KIFAP3: variants seen among roughly 807,000 people sequenced by gnomAD.
KIFAP3 encodes the protein kinesin associated protein 3.
KIFAP3 carries 68 observed loss-of-function variants against 106.5 expected under a neutral mutation model. The observed-to-expected ratio is 0.64, with a 90% confidence interval of 0.53 to 0.78. The LOEUF is 0.78. Ranked by LOEUF, KIFAP3 falls within the 30% of genes least tolerant of loss-of-function variation. KIFAP3 has a pLI of 0.00. For missense variants in KIFAP3, 780 were observed against 941.8 expected, an observed-to-expected ratio of 0.83 and a Z score of 2.25; for synonymous variants, 320 against 311.5, an observed-to-expected ratio of 1.03 and a Z score of -0.29.
At chr1:169,994,103 A>C (rs750605604) in intron 10 of KIFAP3, among the ~76,000 whole-genome samples, 4 of 152,058 alleles carry the variant, frequency 2.6e-5, no homozygotes, top group African/African-American at 9.6e-5. Flanking sequence ...CTATATATCA[A>C]GAGCCATGCT....
chr1:170,042,044 A>G lies in KIFAP3; in HGVS notation c.320-2756T>C, dbSNP rs969250845. 7.6e-5 allele frequency: 13 copies of G among 171,232 alleles called. 1 individual carries two copies. Among genetic ancestry groups the G allele is most frequent in the South Asian group, 3.8e-4 (2 of 5,220 alleles). The allele number at this position is 171,232 out of a possible 1,614,324, so 10.6% of individuals were successfully genotyped here. A position where few individuals can be genotyped will look rare whatever the true frequency, so the allele number is the denominator to read the frequency against. On this transcript the variant is annotated intron_variant, in intron 3 of 19. Coordinates refer to ENST00000361580, the MANE Select transcript of KIFAP3 (RefSeq NM_014970.4). ...AGAAGGAAACATTAGCAGAAGTTCA[A>G]TGTGCCTAACGGGTGGAAAGGGGGG...
intron 3 of KIFAP3, among the ~76,000 whole-genome samples, chr1:170,041,065 C>T (rs1413340727): frequency 2.6e-5 from 4 of 152,118 alleles, no homozygotes; most frequent in African/African-American, 4.8e-5. Context: ...CCTCGTGATC[C>T]GCCCGCCTCG....
At position 169,990,131 on chromosome 1, in the gene KIFAP3, T is replaced by C. The variant is rs1667023950; in HGVS notation, c.1284+2024A>G. On this transcript the variant is annotated intron_variant, in intron 11 of 19. Coordinates refer to ENST00000361580, the MANE Select transcript of KIFAP3 (RefSeq NM_014970.4). ...GAGCGATTTACTCTTCTCCAATCAG[T>C]GCATATTTACAAGAAGCACAGAGTT... is the stretch of plus-strand genomic sequence containing the variant. 3.4e-5 allele frequency: 51 copies of C among 1,499,642 alleles called. No individual in the cohort carries two copies. In the South Asian group the frequency reaches 5.3e-4, roughly 16 times the overall value. The allele number at this position is 1,499,642 out of a possible 1,614,324, so 92.9% of individuals were successfully genotyped here.
Position 170,024,537 on chromosome 1 carries a change from TC to T in KIFAP3, c.900del (p.Asn301ThrfsTer4). On this transcript the variant is annotated frameshift_variant, in exon 9 of 20. Transcript: ENST00000361580. LOFTEE classifies it high-confidence loss of function. ...ACCAACATGTGAACTATGTTCTTGT[TC>T]CTCATTTTCAGTTCGGTACGAGTAT... ...AEDTRTELKM[R>X]NKNIVHMLVK... 6.2e-7 allele frequency: 1 copy of T among 1,605,550 alleles called. No individual in the cohort carries two copies. Among genetic ancestry groups the T allele is most frequent in the South Asian group, 1.1e-5 (1 of 89,430 alleles).
chr1:170,060,269 G>C (rs572573684), intron 1 of KIFAP3, among the ~76,000 whole-genome samples: 1 of 152,096 alleles, frequency 6.6e-6, no homozygotes, highest in East Asian at 1.9e-4. Context: ...AAACCCCATC[G>C]TCTCAGCCAA....
chr1:169,981,681 T>C lies in KIFAP3; in HGVS notation c.1798+291A>G, dbSNP rs1666531904. On this transcript the variant is annotated intron_variant, in intron 15 of 19. Coordinates refer to ENST00000361580, the MANE Select transcript of KIFAP3 (RefSeq NM_014970.4). Reference sequence around the variant, plus strand: ...TTGGAATGTATTCCCCTTGATTAAGTTGTGACTACTATATTGGTTGTTCAA... The same window carrying C: ...TTGGAATGTATTCCCCTTGATTAAGCTGTGACTACTATATTGGTTGTTCAA... Among the ~76,000 whole-genome samples, 3 of 152,274 alleles carry C rather than the reference T, an allele frequency of 2.0e-5. No individual in the cohort carries two copies. In the South Asian group the frequency reaches 6.2e-4, roughly 32 times the overall value.
At chr1:169,993,574 CAA>C (rs1667207821) in intron 10 of KIFAP3, among the ~76,000 whole-genome samples, 1 of 150,340 alleles carries the variant, frequency 6.7e-6, no homozygotes, top group African/African-American at 2.5e-5. Context: ...GAATTAGAGA[CAA>C]AGATTTGAGA....
intron 8 of KIFAP3, among the ~76,000 whole-genome samples, chr1:170,029,366 C>G (rs946597480): frequency 6.6e-6 from 1 of 151,824 alleles, no homozygotes; most frequent in African/African-American, 2.4e-5. Flanking sequence ...CCTTGAACAT[C>G]AATTATTTGG....
At chr1:170,011,145 A>C (rs1054430277) in intron 10 of KIFAP3, among the ~76,000 whole-genome samples, 8 of 151,984 alleles carry the variant, frequency 5.3e-5, no homozygotes, top group African/African-American at 1.9e-4. Flanking sequence ...AATTTCTTTA[A>C]ATTTTAATTC....
intron 1 of KIFAP3, chr1:170,068,396 A>G (rs1317476786): frequency 1.3e-5 from 2 of 152,158 alleles, no homozygotes; most frequent in African/African-American, 4.8e-5. Context: ...CCAAACAAAA[A>G]CACTAGATCT....
intron 18 of KIFAP3, among the ~76,000 whole-genome samples, chr1:169,959,819 A>G (rs1301518454): frequency 2.0e-5 from 3 of 152,110 alleles, no homozygotes; most frequent in African/African-American, 7.2e-5. Context: ...TTACTTCATG[A>G]ATACTGAATA....
intron 10 of KIFAP3, among the ~76,000 whole-genome samples, chr1:170,010,165 A>T (rs1212083817): frequency 6.6e-6 from 1 of 152,158 alleles, no homozygotes; most frequent in South Asian, 2.1e-4. Flanking sequence ...AACATTAAAA[A>T]ATAAGAAACG....
intron 3 of KIFAP3, among the ~76,000 whole-genome samples, chr1:170,039,813 C>T (rs920054486): frequency 6.6e-6 from 1 of 151,976 alleles, no homozygotes; most frequent in Non-Finnish European, 1.5e-5. Flanking sequence ...AAAAGGCAAA[C>T]ATTTATTACG....
intron 19 of KIFAP3, among the ~76,000 whole-genome samples, chr1:169,934,537 T>C (rs1350302535): frequency 6.6e-6 from 1 of 152,140 alleles, no homozygotes; most frequent in Non-Finnish European, 1.5e-5. Context: ...ATTCCTATAC[T>C]CAGGTTTACT....
chr1:170,029,615 A>AAC (rs1553199732), intron 8 of KIFAP3, among the ~76,000 whole-genome samples: 4 of 150,618 alleles, frequency 2.7e-5, no homozygotes, highest in Non-Finnish European at 6.0e-5. Flanking sequence ...ACAACAACAA[A>AAC]AAATAAGAGT....
At chr1:170,059,567 A>C (rs1322120281) in intron 1 of KIFAP3, among the ~76,000 whole-genome samples, 2 of 152,214 alleles carry the variant, frequency 1.3e-5, no homozygotes. Flanking sequence ...ATGGATTCAC[A>C]GCCGAATTCT....
At chr1:170,019,789 C>T (rs1285413775) in intron 9 of KIFAP3, among the ~76,000 whole-genome samples, 2 of 152,230 alleles carry the variant, frequency 1.3e-5, no homozygotes, top group South Asian at 2.1e-4. Flanking sequence ...CAGGGATAGC[C>T]GCTCACACGA....
In KIFAP3 at chr1:170,005,455, C is replaced by G. The variant is rs369563948; in HGVS notation, c.1183+11007G>C. Among the ~76,000 whole-genome samples, 456 of 152,026 alleles carry G rather than the reference C, an allele frequency of 3.0e-3. 15 individuals carry two copies. In the South Asian group the frequency reaches 0.057, roughly 19 times the overall value. ...CACAATAGCAAAGACTTGGAACCAA[C>G]CCAGATGTCCAACAATGATAGACTG... On this transcript the variant is annotated intron_variant, in intron 10 of 19. Transcript: ENST00000361580.
At chr1:170,048,156 C>G (rs1352677777) in intron 2 of KIFAP3, among the ~76,000 whole-genome samples, 1 of 152,112 alleles carries the variant, frequency 6.6e-6, no homozygotes, top group African/African-American at 2.4e-5. Context: ...ATATTCAACC[C>G]CAAATCTGGT....
Sources: allele counts gnomAD v4.1 joint callset (sites outside exome capture counted in the v4.1 genomes callset), GRCh38; gene constraint gnomAD v4.1.1; transcripts MANE v1.5; gene names NCBI Gene and HGNC (gene_info 2026-07-23, HGNC 2026-07-21).